HS6ST3: variants seen among roughly 807,000 people sequenced by gnomAD.
The protein encoded by HS6ST3 is heparan sulfate 6-O-sulfotransferase 3.
HS6ST3 carries 12 observed loss-of-function variants against 36.7 expected under a neutral mutation model. That is an observed-to-expected ratio of 0.33 (90% CI 0.21 to 0.53). HS6ST3 has a LOEUF of 0.53. Ranked by LOEUF, HS6ST3 falls within the 20% of genes least tolerant of loss-of-function variation. The pLI is 0.95. For synonymous variants in HS6ST3, 240 were observed against 257.5 expected (o/e 0.93, Z 0.65); for missense variants, 584 against 640.9 (o/e 0.91, Z 0.96).
At chr13:96,223,994 C>A (rs911924195) in intron 1 of HS6ST3, among the ~76,000 whole-genome samples, 1 of 151,992 alleles carries the variant, frequency 6.6e-6, no homozygotes, top group Admixed American at 6.6e-5. Flanking sequence ...CTTTCCCTCC[C>A]TTCCCCTTTC....
At chr13:96,386,324 A>G (rs541559691) in intron 1 of HS6ST3, among the ~76,000 whole-genome samples, 1 of 152,216 alleles carries the variant, frequency 6.6e-6, no homozygotes, top group Non-Finnish European at 1.5e-5. Flanking sequence ...AGCAGAATGG[A>G]GACTCCATTC....
At chr13:96,548,920 A>G (rs1235325805) in intron 1 of HS6ST3, among the ~76,000 whole-genome samples, 2 of 152,324 alleles carry the variant, frequency 1.3e-5, no homozygotes, top group South Asian at 2.1e-4. Flanking sequence ...ATACAGAATC[A>G]TGTTTGACTA....
chr13:96,286,045 C>T (rs1263849223), intron 1 of HS6ST3, among the ~76,000 whole-genome samples: 4 of 149,326 alleles, frequency 2.7e-5, no homozygotes, highest in Non-Finnish European at 1.5e-5. Flanking sequence ...CTTTCTCTTC[C>T]TCTCTTTTTC....
intron 1 of HS6ST3, among the ~76,000 whole-genome samples, chr13:96,247,680 C>T (rs1174203764): frequency 6.6e-6 from 1 of 152,038 alleles, no homozygotes; most frequent in African/African-American, 2.4e-5. Context: ...TCCTTCCTTT[C>T]TCTCTCTCTG....
intron 1 of HS6ST3, among the ~76,000 whole-genome samples, chr13:96,710,527 A>G (rs1347522586): frequency 6.6e-6 from 1 of 152,288 alleles, no homozygotes; most frequent in East Asian, 1.9e-4. Context: ...GCAAGTAAAT[A>G]CACATGATAG....
chr13:96,524,868 G>A (rs1368941805), intron 1 of HS6ST3, among the ~76,000 whole-genome samples: 2 of 152,198 alleles, frequency 1.3e-5, no homozygotes, highest in Non-Finnish European at 2.9e-5. Flanking sequence ...CGCACCCACT[G>A]TCCATCCTGT....
intron 1 of HS6ST3, among the ~76,000 whole-genome samples, chr13:96,696,637 T>C (rs553726164): frequency 1.4e-4 from 22 of 152,270 alleles, no homozygotes; most frequent in African/African-American, 5.3e-4. Flanking sequence ...GGGAGGTCTG[T>C]TGGTCTCCTA....
chr13:96,251,143 C>T (rs1174056840), intron 1 of HS6ST3, among the ~76,000 whole-genome samples: 2 of 152,110 alleles, frequency 1.3e-5, no homozygotes, highest in East Asian at 1.9e-4. Context: ...TCTTTGGAAG[C>T]GTTTTAGAGG....
intron 1 of HS6ST3, among the ~76,000 whole-genome samples, chr13:96,531,825 A>G (rs1279322007): frequency 6.6e-6 from 1 of 152,244 alleles, no homozygotes; most frequent in African/African-American, 2.4e-5. Context: ...GGCAACGTGT[A>G]TAATAAGTAA....
At chr13:96,452,539 A>G (rs2055733201) in intron 1 of HS6ST3, among the ~76,000 whole-genome samples, 3 of 137,300 alleles carry the variant, frequency 2.2e-5, no homozygotes, top group Admixed American at 1.4e-4. Context: ...TAAGAAAATT[A>G]TATTAGCTTT....
At chr13:96,632,780 G>A (rs770632408) in intron 1 of HS6ST3, among the ~76,000 whole-genome samples, 9 of 152,136 alleles carry the variant, frequency 5.9e-5, no homozygotes, top group Non-Finnish European at 1.3e-4. Context: ...TTCGTTGTTA[G>A]CATCAGCGAT....
Position 96,511,560 on chromosome 13 carries a change from C to A in HS6ST3, c.708-320930C>A, listed in dbSNP as rs552048239. Reference sequence around the variant, plus strand: ...TTGAATTGCCTACATGTATACTTAGCCCATTTTTAAAATTCTGTTTCTTAT... The same window carrying A: ...TTGAATTGCCTACATGTATACTTAGACCATTTTTAAAATTCTGTTTCTTAT... On this transcript the variant is annotated intron_variant, in intron 1 of 1. Transcript: ENST00000376705. 2.0e-5 allele frequency among the ~76,000 whole-genome samples: 3 copies of A among 151,700 alleles called. No homozygotes were observed. In the East Asian group the frequency reaches 5.8e-4, roughly 29 times the overall value.
chr13:96,674,947 G>A (rs1405480956), intron 1 of HS6ST3, among the ~76,000 whole-genome samples: 1 of 152,126 alleles, frequency 6.6e-6, no homozygotes, highest in Non-Finnish European at 1.5e-5. Context: ...GTTTCAGGAG[G>A]AGAGATAAAT....
chr13:96,666,649 A>G (rs1218514630), intron 1 of HS6ST3, among the ~76,000 whole-genome samples: 1 of 152,182 alleles, frequency 6.6e-6, no homozygotes, highest in East Asian at 1.9e-4. Context: ...TATTTCTAAC[A>G]TAAACGATAT....
chr13:96,107,543 A>G (rs1420883359), intron 1 of HS6ST3, among the ~76,000 whole-genome samples: 1 of 152,140 alleles, frequency 6.6e-6, no homozygotes, highest in African/African-American at 2.4e-5. Flanking sequence ...ATGATATGAC[A>G]TGTGCTCCAG....
At chr13:96,183,217 G>A (rs772270381) in intron 1 of HS6ST3, among the ~76,000 whole-genome samples, 21 of 152,114 alleles carry the variant, frequency 1.4e-4, no homozygotes, top group Admixed American at 9.2e-4. Context: ...GGGAAGTCTC[G>A]TATAAAAGTT....
intron 1 of HS6ST3, among the ~76,000 whole-genome samples, chr13:96,441,661 T>C (rs1379438441): frequency 2.6e-5 from 4 of 152,192 alleles, no homozygotes; most frequent in African/African-American, 9.6e-5. Context: ...TGTGAGATAT[T>C]ACATCCATAA....
intron 1 of HS6ST3, among the ~76,000 whole-genome samples, chr13:96,587,427 C>A (rs2056365994): frequency 6.6e-6 from 1 of 151,882 alleles, no homozygotes; most frequent in African/African-American, 2.4e-5. Flanking sequence ...CAACAGAATA[C>A]CAGAGACTGA....
At chr13:96,409,994 A>G (rs749419056) in intron 1 of HS6ST3, among the ~76,000 whole-genome samples, 12 of 152,216 alleles carry the variant, frequency 7.9e-5, no homozygotes, top group Non-Finnish European at 1.5e-4. Flanking sequence ...CAGGTGGATT[A>G]CAGAGTTAAA....
Sources: allele counts gnomAD v4.1 joint callset (sites outside exome capture counted in the v4.1 genomes callset), GRCh38; gene constraint gnomAD v4.1.1; transcripts MANE v1.5; gene names NCBI Gene and HGNC (gene_info 2026-07-23, HGNC 2026-07-21).